The following CCSER1 variants were observed in gnomAD, a reference collection of about 807,000 sequenced individuals.
The protein encoded by CCSER1 is serine-rich coiled-coil domain-containing protein 1.
A neutral mutation model predicts 82.0 loss-of-function variants in CCSER1; 41 were observed. That is an observed-to-expected ratio of 0.50 (90% confidence interval 0.39 to 0.65). The LOEUF is 0.65. CCSER1 is among the 30% of genes least tolerant of loss of function. CCSER1 has a pLI of 0.00. For synonymous variants in CCSER1, 414 were observed against 383.9 expected, an observed-to-expected ratio of 1.08 and a Z score of -0.92; for missense variants, 1,119 against 1,064.2, an observed-to-expected ratio of 1.05 and a Z score of -0.72.
At chr4:90,769,077 A>G (rs544956197) in intron 7 of CCSER1, among the ~76,000 whole-genome samples, 39 of 152,354 alleles carry the variant, frequency 2.6e-4, no homozygotes, top group African/African-American at 8.7e-4. Flanking sequence ...CTGGTGACTC[A>G]GAAAGCCCTT....
intron 7 of CCSER1, among the ~76,000 whole-genome samples, chr4:90,789,290 C>T (rs564354631): frequency 1.3e-5 from 2 of 152,248 alleles, no homozygotes; most frequent in Admixed American, 1.3e-4. Flanking sequence ...TGATCTCACT[C>T]TCCTTCTTAA....
chr4:90,539,279 A>T lies in CCSER1; in HGVS notation c.1724+70925A>T, dbSNP rs538063059. ...ACTAACAAATGAGTGTAGGTCATGAAAATGTTTAAGAACCCCTTCCCTAGA... is the reference window on the plus strand; with the variant it reads ...ACTAACAAATGAGTGTAGGTCATGATAATGTTTAAGAACCCCTTCCCTAGA... On this transcript the variant is annotated intron_variant, in intron 5 of 10. Transcript: ENST00000509176. 1.1e-3 allele frequency among the ~76,000 whole-genome samples: 171 copies of T among 151,944 alleles called. 3 individuals carry two copies. The highest frequency in any genetic ancestry group is 0.011 in the Admixed American group (166 of 15,266).
At chr4:90,231,365 A>G (rs1434470669) in intron 1 of CCSER1, among the ~76,000 whole-genome samples, 1 of 152,038 alleles carries the variant, frequency 6.6e-6, no homozygotes, top group Non-Finnish European at 1.5e-5. Flanking sequence ...AACCAAAGAC[A>G]AAAACCACAT....
In CCSER1 at chr4:90,242,233, G is replaced by A. The variant is rs117035406; in HGVS notation, c.-41-66011G>A. 1.1e-4 allele frequency among the ~76,000 whole-genome samples: 17 copies of A among 152,306 alleles called. No individual in the cohort carries two copies. The East Asian group carries it at 3.3e-3, about 29-fold the overall frequency. On this transcript the variant is annotated intron_variant, in intron 1 of 10. Transcript: ENST00000509176. ...GAGGCAGGAGAATCATCTGAGCATG[G>A]GAGACGGAGCTTGCAGTGAGCCGAG...
intron 1 of CCSER1, among the ~76,000 whole-genome samples, chr4:90,182,651 A>T (rs915005604): frequency 6.6e-6 from 1 of 152,198 alleles, no homozygotes; most frequent in Non-Finnish European, 1.5e-5. Context: ...GTATCATTGA[A>T]TAATTTTTAG....
chr4:90,744,431 A>T (rs1747066753), intron 7 of CCSER1, among the ~76,000 whole-genome samples: 1 of 152,230 alleles, frequency 6.6e-6, no homozygotes, highest in Admixed American at 6.5e-5. Flanking sequence ...AAATTTGTCA[A>T]TTGCTAGAAT....
chr4:90,810,504 C>T (rs1758114256), intron 7 of CCSER1, among the ~76,000 whole-genome samples: 1 of 151,852 alleles, frequency 6.6e-6, no homozygotes, highest in Non-Finnish European at 1.5e-5. Flanking sequence ...AAAAAATTAG[C>T]CAGGTGTGGT....
intron 10 of CCSER1, among the ~76,000 whole-genome samples, chr4:91,357,746 G>A (rs187890575): frequency 2.7e-5 from 4 of 149,826 alleles, no homozygotes; most frequent in Admixed American, 6.7e-5. Context: ...CATGACTTTC[G>A]CCGACAATTT....
intron 6 of CCSER1, among the ~76,000 whole-genome samples, chr4:90,653,446 A>T (rs1729145960): frequency 6.6e-6 from 1 of 152,132 alleles, no homozygotes; most frequent in Admixed American, 6.6e-5. Context: ...ATTGAAAAAA[A>T]AATTTTAATG....
chr4:91,111,853 A>C (rs1726124212), intron 10 of CCSER1, among the ~76,000 whole-genome samples: 1 of 151,158 alleles, frequency 6.6e-6, no homozygotes, highest in African/African-American at 2.4e-5. Flanking sequence ...TAAAACAGAA[A>C]AAAAAAAAAA....
intron 7 of CCSER1, among the ~76,000 whole-genome samples, chr4:90,743,588 A>G (rs990891606): frequency 2.0e-5 from 3 of 152,202 alleles, no homozygotes; most frequent in African/African-American, 4.8e-5. Context: ...TCTTATTAAG[A>G]ATAAAGGTTT....
At chr4:90,702,739 G>C (rs903373275) in intron 6 of CCSER1, among the ~76,000 whole-genome samples, 6 of 152,196 alleles carry the variant, frequency 3.9e-5, no homozygotes, top group Non-Finnish European at 8.8e-5. Flanking sequence ...ATTTCTTCTA[G>C]ATTTTCTAGT....
At chr4:90,391,776 TACAC>T (rs888378598) in intron 3 of CCSER1, among the ~76,000 whole-genome samples, 16 of 151,868 alleles carry the variant, frequency 1.1e-4, no homozygotes, top group African/African-American at 3.6e-4. Flanking sequence ...ATTCCTCTAG[TACAC>T]AAAGAAGAAT....
chr4:90,876,791 C>T (rs1424730120), intron 8 of CCSER1, among the ~76,000 whole-genome samples: 1 of 152,096 alleles, frequency 6.6e-6, no homozygotes, highest in Non-Finnish European at 1.5e-5. Flanking sequence ...TTATTGTCTC[C>T]TATTAACGTA....
intron 5 of CCSER1, among the ~76,000 whole-genome samples, chr4:90,577,891 C>G (rs1004820058): frequency 6.6e-6 from 1 of 152,014 alleles, no homozygotes; most frequent in African/African-American, 2.4e-5. Flanking sequence ...ACCAGTTGCT[C>G]TATTTAATGT....
chr4:90,573,689 G>C (rs1780376394), intron 5 of CCSER1, among the ~76,000 whole-genome samples: 2 of 152,030 alleles, frequency 1.3e-5, no homozygotes, highest in African/African-American at 4.8e-5. Flanking sequence ...TTGCTGGAGG[G>C]TCCTACTTCA....
chr4:91,149,692 C>T (rs1229449004), intron 10 of CCSER1, among the ~76,000 whole-genome samples: 1 of 152,164 alleles, frequency 6.6e-6, no homozygotes, highest in Non-Finnish European at 1.5e-5. Context: ...CAGCTTTCTG[C>T]ATATGACTAG....
chr4:90,693,969 T>C (rs1392105089), intron 6 of CCSER1, among the ~76,000 whole-genome samples: 1 of 151,850 alleles, frequency 6.6e-6, no homozygotes, highest in Non-Finnish European at 1.5e-5. Context: ...TTCTTCAGTT[T>C]ATAATTTAGT....
At chr4:90,508,987 A>G (rs778169426) in intron 5 of CCSER1, among the ~76,000 whole-genome samples, 57 of 152,174 alleles carry the variant, frequency 3.7e-4, no homozygotes, top group Non-Finnish European at 1.3e-4. Flanking sequence ...GAAACTTTGA[A>G]TTTTAAGATA....
Sources: allele counts gnomAD v4.1 joint callset (sites outside exome capture counted in the v4.1 genomes callset), GRCh38; gene constraint gnomAD v4.1.1; transcripts MANE v1.5; gene names NCBI Gene and HGNC (gene_info 2026-07-23, HGNC 2026-07-21).